Variants in SLC19A1 observed in about 807,000 individuals in gnomAD.
SLC19A1 encodes the protein reduced folate transporter.
A neutral mutation model predicts 35.3 loss-of-function variants in SLC19A1; 37 were observed. That is an observed-to-expected ratio of 1.05 (90% CI 0.81 to 1.38). The LOEUF (loss-of-function observed/expected upper bound fraction) is 1.38. Among genes scored for constraint, SLC19A1 ranks in the 40% most tolerant of loss-of-function variants. The pLI is 0.00. For synonymous variants in SLC19A1, 460 were observed against 398.5 expected (o/e 1.15, Z -1.84); for missense variants, 831 against 826.9 (o/e 1.00, Z -0.06).
At chr21:45,508,141 GGAAAGGTGGGTGAGTGGATA>G (rs1294437988), downstream of SLC19A1, among the ~76,000 whole-genome samples, 9 of 151,734 alleles carry the variant, frequency 5.9e-5, no homozygotes, top group African/African-American at 2.2e-4. Flanking sequence ...GTGGGTGGAT[GGAAAGGTGGGTGAGTGGATA>G]GGTAGGTAGC....
At chr21:45,532,420 C>T (rs547189481) in intron 2 of SLC19A1, among the ~76,000 whole-genome samples, 3 of 152,338 alleles carry the variant, frequency 2.0e-5, no homozygotes, top group South Asian at 4.1e-4. Context: ...CAAGCCTGTT[C>T]ATCTAAGCTT....
At chr21:45,519,481 A>G (rs2077372554) in intron 5 of SLC19A1, among the ~76,000 whole-genome samples, 1 of 151,720 alleles carries the variant, frequency 6.6e-6, no homozygotes, top group Admixed American at 6.6e-5. Flanking sequence ...GGTTGAAAGT[A>G]AAACGATGGA....
downstream of SLC19A1, chr21:45,509,685 G>A: frequency 1.2e-6 from 1 of 825,958 alleles, no homozygotes; most frequent in Non-Finnish European, 2.0e-6. Context: ...CTGCAGAGCT[G>A]CTGGGGGTCC....
In SLC19A1 at chr21:45,514,698, CAG is replaced by C. The variant is rs1266840700; in HGVS notation, c.*958_*959del. 3 of 322,764 alleles carry C rather than the reference CAG, an allele frequency of 9.3e-6. No individual in the cohort carries two copies. Among genetic ancestry groups the C allele is most frequent in the African/African-American group, 6.4e-5 (3 of 46,636 alleles). The allele number at this position is 322,764 out of a possible 1,614,324, so 20.0% of individuals were successfully genotyped here. On this transcript the variant is annotated 3_prime_UTR_variant, in exon 6 of 6. Coordinates refer to ENST00000311124, the MANE Select transcript of SLC19A1 (RefSeq NM_194255.4). The stretch of plus-strand genomic sequence containing the variant: ...CCCCCAGGCCAGGCCGGCCCTGAAT[CAG>C]AAGCCCTGCGCACACTCACTTAAGT...
chr21:45,528,539 C>T (rs866699421), intron 4 of SLC19A1, among the ~76,000 whole-genome samples: 9 of 152,038 alleles, frequency 5.9e-5, no homozygotes, highest in African/African-American at 1.9e-4. Flanking sequence ...ACCATCCTGA[C>T]GGGGAGGAAG....
intron 2 of SLC19A1, among the ~76,000 whole-genome samples, chr21:45,535,422 G>A (rs2078074547): frequency 6.6e-6 from 1 of 152,200 alleles, no homozygotes; most frequent in Non-Finnish European, 1.5e-5. Context: ...AGGCAGAAAA[G>A]GGAACCAGGT....
intron 1 of SLC19A1, among the ~76,000 whole-genome samples, chr21:45,553,028 C>T (rs947892943): frequency 2.0e-5 from 3 of 152,082 alleles, no homozygotes; most frequent in South Asian, 2.1e-4. Context: ...CCTGGCAAAT[C>T]GCAGGGGGCA....
intron 5 of SLC19A1, among the ~76,000 whole-genome samples, chr21:45,523,385 C>T (rs766370155): frequency 3.3e-5 from 5 of 152,200 alleles, no homozygotes; most frequent in Non-Finnish European, 7.3e-5. Flanking sequence ...CCAGGAACCA[C>T]AGGCCAGAAC....
At chr21:45,555,157 C>CGCGGGG (rs1569031716) in intron 1 of SLC19A1, among the ~76,000 whole-genome samples, 17 of 72,574 alleles carry the variant, frequency 2.3e-4, no homozygotes, top group South Asian at 5.5e-4. Flanking sequence ...GTGCAGGGGG[C>CGCGGGG]GGCGGGGGCG....
intron 1 of SLC19A1, among the ~76,000 whole-genome samples, chr21:45,552,734 AG>A (rs1215169610): frequency 6.6e-6 from 1 of 152,070 alleles, no homozygotes; most frequent in Non-Finnish European, 1.5e-5. Context: ...GGTGTGTCCC[AG>A]ACCCCTAATG....
chr21:45,530,859 C>A lies in SLC19A1; in HGVS notation c.1062G>T (p.Ala354=), dbSNP rs770114433. Residue 354 remains alanine (A), a synonymous_variant, in exon 4 of 6, where the codon GCG becomes GCT. Coordinates refer to ENST00000311124, the MANE Select transcript of SLC19A1 (RefSeq NM_194255.4). The surrounding 1 kb of genome is among the most constrained non-coding windows in gnomAD (Gnocchi z 5.3). ...AGATGCTGCTCGGGTGGCGCGTGTG[C>A]GCCAGAAGGAAGACCAGCCCCGCCT... ...ATQAGLVFLL[A]HTRHPSSIWL... The A allele has an allele frequency of 6.7e-7, 1 of 1,494,396 alleles. No homozygotes were observed. Among genetic ancestry groups the A allele is most frequent in the South Asian group, 1.3e-5 (1 of 76,290 alleles). The allele number at this position is 1,494,396 out of a possible 1,614,324, so 92.6% of individuals were successfully genotyped here.
rs769024844 is a variant in SLC19A1 at position 45,537,892 on chromosome 21, C to T, written c.68G>A (p.Arg23Gln). Reference sequence around the variant, plus strand: ...GTAGCACACGAGGTGCCGCCAGGACCGGAGCTCGGGGTCAGGCCCAGGTTC... The same window carrying T: ...GTAGCACACGAGGTGCCGCCAGGACTGGAGCTCGGGGTCAGGCCCAGGTTC... ...PVEPGPDPEL[R>Q]SWRHLVCYLC... Residue 23 changes from arginine to glutamine, a missense_variant, in exon 2 of 6, where the codon CGG becomes CAG. Arg to Gln is a conservative substitution (Grantham distance 43). Coordinates refer to ENST00000311124, the MANE Select transcript of SLC19A1 (RefSeq NM_194255.4). 25 of 1,599,320 alleles carry T rather than the reference C, an allele frequency of 1.6e-5. No individual in the cohort carries two copies. Among genetic ancestry groups the T allele is most frequent in the South Asian group, 9.0e-5 (8 of 89,060 alleles).
In SLC19A1 at chr21:45,516,056, G is replaced by T; in HGVS notation, c.1378C>A (p.Arg460=). 1 of 1,587,440 alleles carries T rather than the reference G, an allele frequency of 6.3e-7. No homozygotes were observed. The highest frequency in any genetic ancestry group is 2.3e-5 in the East Asian group (1 of 44,008). The change falls in exon 6 of 6, where the codon CGG becomes AGG. Residue 460 remains arginine (R), a synonymous_variant. Coordinates refer to ENST00000311124, the MANE Select transcript of SLC19A1 (RefSeq NM_194255.4). The part of the protein sequence containing the change: ...AMLDGLRHCQ[R]GHHPRQPPAQ... ...GGGGGCTGCCGCGGGTGGTGGCCCC[G>T]CTGGCAGTGCCGCAGGCCATCCAGC...
intron 4 of SLC19A1, among the ~76,000 whole-genome samples, chr21:45,528,435 TCCACAG>T (rs1173888227): frequency 1.3e-5 from 2 of 151,298 alleles, no homozygotes; most frequent in Non-Finnish European, 2.9e-5. Flanking sequence ...GGCCACTCAG[TCCACAG>T]CAGGCCGGCC....
At chr21:45,539,794 G>A (rs1453573827) in intron 1 of SLC19A1, among the ~76,000 whole-genome samples, 1 of 152,216 alleles carries the variant, frequency 6.6e-6, no homozygotes, top group Non-Finnish European at 1.5e-5. Context: ...TGGCAGGGAA[G>A]CCCTTAAGAG....
chr21:45,504,613 C>A, intron 3 of SLC19A1: 2 of 1,492,814 alleles, frequency 1.3e-6, no homozygotes, highest in South Asian at 2.4e-5. Flanking sequence ...GTGCAGGAGC[C>A]GAGGGCAGGT....
Position 45,515,397 on chromosome 21 carries a change from C to T in SLC19A1, c.*261G>A, listed in dbSNP as rs529510936. On this transcript the variant is annotated 3_prime_UTR_variant, in exon 6 of 6. Transcript: ENST00000311124. ...GCATGAGCCAGTGAGGCCTGGTGGA[C>T]GCAGAAGCCCACCACCCACCTCTTC... 185 of 1,432,794 alleles carry T rather than the reference C, an allele frequency of 1.3e-4. No individual in the cohort carries two copies. Among genetic ancestry groups the T allele is most frequent in the Admixed American group, 1.1e-3 (36 of 34,078 alleles). The allele number at this position is 1,432,794 out of a possible 1,614,324, so 88.8% of individuals were successfully genotyped here.
At position 45,540,133 on chromosome 21, in the gene SLC19A1, C is replaced by T. The variant is rs1375969363; in HGVS notation, c.-49-2125G>A. Among the ~76,000 whole-genome samples the T allele has an allele frequency of 6.6e-6, 1 of 152,166 alleles. No homozygotes were observed. The highest frequency in any genetic ancestry group is 1.5e-5 in the Non-Finnish European group (1 of 68,006). On this transcript the variant is annotated intron_variant, in intron 1 of 5. Coordinates refer to ENST00000311124, the MANE Select transcript of SLC19A1 (RefSeq NM_194255.4). The surrounding 1 kb of genome is among the most constrained non-coding windows in gnomAD (Gnocchi z 5.5). Reference sequence around the variant, plus strand: ...AAGGTTGGGCTCCATCACCAGGGACCCTGATGCCCAGAGAGGCCACGGGTA... The same window carrying T: ...AAGGTTGGGCTCCATCACCAGGGACTCTGATGCCCAGAGAGGCCACGGGTA...
At position 45,515,871 on chromosome 21, in the gene SLC19A1, G is replaced by C. The variant is rs772893035; in HGVS notation, c.1563C>G (p.Ser521Arg). ...CCGGGGCCTGGGCCAGGTATGGGTC[G>C]CTCTGTCTCTGCTCCAGGGAGGCTG... ...VGPASLEQRQ[S>R]DPYLAQAPAP... The change falls in exon 6 of 6, where the codon AGC becomes AGG. Residue 521 changes from serine (S) to arginine (R), a missense_variant. Transcript: ENST00000311124. The C allele has an allele frequency of 7.0e-6, 11 of 1,579,946 alleles. No homozygotes were observed. Among genetic ancestry groups the C allele is most frequent in the African/African-American group, 1.3e-5 (1 of 74,156 alleles).
Sources: gnomAD v4.1 joint callset for allele counts (sites outside exome capture counted in the v4.1 genomes callset) on GRCh38, gnomAD v4.1.1 for gene constraint, Gnocchi (gnomAD v3.1) non-coding constraint, MANE v1.5 for transcripts, NCBI Gene and HGNC (gene_info 2026-07-23, HGNC 2026-07-21) for gene names.